The following HYDIN variants were observed in gnomAD, a reference collection of about 807,000 sequenced individuals.
HYDIN encodes HYDIN axonemal central pair apparatus protein.
HYDIN carries 132 observed loss-of-function variants against 403.9 expected under a neutral mutation model. That is an observed-to-expected ratio of 0.33 (90% CI 0.28 to 0.38). The LOEUF (loss-of-function observed/expected upper bound fraction) is 0.38. HYDIN is among the 10% of genes least tolerant of loss of function. The pLI is 1.00. For synonymous variants in HYDIN, 1,202 were observed against 1,891.7 expected, an observed-to-expected ratio of 0.64 and a Z score of 9.46; for missense variants, 2,827 against 5,009.5, an observed-to-expected ratio of 0.56 and a Z score of 13.15.
intron 1 of HYDIN, among the ~76,000 whole-genome samples, chr16:71,212,303 G>T (rs945507341): frequency 6.6e-6 from 1 of 152,156 alleles, no homozygotes; most frequent in Non-Finnish European, 1.5e-5. Context: ...TAAGTGTCAT[G>T]ATATCTCCCT....
At chr16:71,066,227 TG>T (rs1310299851) in intron 15 of HYDIN, among the ~76,000 whole-genome samples, 1 of 152,096 alleles carries the variant, frequency 6.6e-6, no homozygotes, top group East Asian at 1.9e-4. Flanking sequence ...AAGGCAAATC[TG>T]GGCATAGAAA....
intron 41 of HYDIN, among the ~76,000 whole-genome samples, chr16:70,948,413 T>C (rs1168134564): frequency 1.4e-4 from 22 of 151,810 alleles, no homozygotes; most frequent in Admixed American, 4.6e-4. Context: ...ACTTCATATC[T>C]AAAACACCAA....
At chr16:71,189,648 T>A (rs113246957) in intron 1 of HYDIN, among the ~76,000 whole-genome samples, 26,179 of 151,290 alleles carry the variant, frequency 0.17, 2,938 homozygotes, top group Middle Eastern at 0.38. Context: ...GTGCCTGTAG[T>A]CCCAATTACT....
chr16:71,179,997 A>G (rs1479075594), intron 3 of HYDIN, among the ~76,000 whole-genome samples: 2 of 152,198 alleles, frequency 1.3e-5, no homozygotes, highest in African/African-American at 4.8e-5. Flanking sequence ...AGCAAAATAA[A>G]TCCAAATAAA....
Position 70,943,930 on chromosome 16 carries a change from G to C in HYDIN, c.6551C>G (p.Pro2184Arg), listed in dbSNP as rs201833742. Reference sequence around the variant, plus strand: ...GAGCCAGCGGTGGATGGGCCCCGGGGGGAGAGGGCTGGAGGAAATCTGTTG... The same window carrying C: ...GAGCCAGCGGTGGATGGGCCCCGGGCGGAGAGGGCTGGAGGAAATCTGTTG... ...ETPQISSSPL[P>R]PGPIHRWLSV... is the part of the protein sequence containing the mutation. Residue 2184 changes from proline to arginine, a missense_variant, in exon 42 of 86, where the codon CCC (proline) becomes CGC (arginine). Physicochemically the swap from Pro to Arg is moderately radical, Grantham distance 103. Transcript: ENST00000393567. The C allele has an allele frequency of 2.9e-5, 46 of 1,610,670 alleles. No homozygotes were observed. Among genetic ancestry groups the C allele is most frequent in the Non-Finnish European group, 3.6e-5 (43 of 1,178,724 alleles).
At chr16:71,002,306 G>C (rs936626073) in intron 23 of HYDIN, among the ~76,000 whole-genome samples, 76 of 152,186 alleles carry the variant, frequency 5.0e-4, no homozygotes, top group African/African-American at 1.8e-3. Flanking sequence ...AGTACTTTGG[G>C]AGCCCAAGGT....
At chr16:70,904,476 A>T (rs1205419315) in intron 50 of HYDIN, among the ~76,000 whole-genome samples, 2 of 56,378 alleles carry the variant, frequency 3.5e-5, no homozygotes, top group Non-Finnish European at 9.1e-5. Flanking sequence ...TCACTTGAGT[A>T]ACTTTTTTTT....
intron 18 of HYDIN, among the ~76,000 whole-genome samples, chr16:71,060,013 G>C (rs2082028551): frequency 6.6e-6 from 1 of 152,076 alleles, no homozygotes; most frequent in South Asian, 2.1e-4. Flanking sequence ...ATTGCTAGAA[G>C]GAAGAGAGGA....
chr16:70,983,772 A>T (rs1346580700), intron 28 of HYDIN, among the ~76,000 whole-genome samples: 1 of 150,934 alleles, frequency 6.6e-6, no homozygotes. Context: ...ACAAAAGCAA[A>T]AATCATAATC....
chr16:70,847,785 C>A (rs1592163), intron 75 of HYDIN, among the ~76,000 whole-genome samples: 1 of 151,956 alleles, frequency 6.6e-6, no homozygotes, highest in African/African-American at 2.4e-5. Flanking sequence ...GAGTTTATCC[C>A]ACTCAGAATT....
At chr16:71,087,273 G>C (rs4788758) in intron 12 of HYDIN, among the ~76,000 whole-genome samples, 1 of 151,664 alleles carries the variant, frequency 6.6e-6, no homozygotes, top group Admixed American at 6.6e-5. Flanking sequence ...TTAAACAACA[G>C]AAGTTTATTT....
intron 36 of HYDIN, among the ~76,000 whole-genome samples, chr16:70,967,676 C>T (rs1157564145): frequency 2.0e-5 from 3 of 152,220 alleles, no homozygotes; most frequent in South Asian, 2.1e-4. Flanking sequence ...TTAGTAGACA[C>T]GGGGTTTCAC....
At chr16:70,926,561 T>TAACAGGTATACAG in intron 45 of HYDIN, among the ~76,000 whole-genome samples, 1 of 151,884 alleles carries the variant, frequency 6.6e-6, no homozygotes, top group South Asian at 2.1e-4. Context: ...GGTATACATA[T>TAACAGGTATACAG]GTAACTAACC....
chr16:71,226,455 T>G (rs2041036755), intron 1 of HYDIN, among the ~76,000 whole-genome samples: 1 of 152,114 alleles, frequency 6.6e-6, no homozygotes, highest in Admixed American at 6.5e-5. Flanking sequence ...AAGACCTACA[T>G]GTGAAACCCA....
intron 29 of HYDIN, among the ~76,000 whole-genome samples, chr16:70,980,979 C>T (rs1427730441): frequency 4.6e-5 from 7 of 151,878 alleles, no homozygotes; most frequent in Non-Finnish European, 7.4e-5. Flanking sequence ...AATCTGTGTC[C>T]GCCTTTCTGT....
chr16:71,001,860 A>C (rs9674040), intron 23 of HYDIN, among the ~76,000 whole-genome samples: 34,510 of 151,578 alleles, frequency 0.23, 3,695 homozygotes, highest in Admixed American at 0.35. Flanking sequence ...ATGCTGGTGG[A>C]AACACTTGGT....
rs539576673 is a variant in HYDIN at position 70,898,374 on chromosome 16, G to C, written c.9049-2294C>G. Among the ~76,000 whole-genome samples the C allele has an allele frequency of 2.0e-5, 3 of 152,086 alleles. No homozygotes were observed. The East Asian group carries it at 5.8e-4, about 30-fold the overall frequency. ...ACTCCAGGCCCTACACCAGCCAGGG[G>C]TCTGGGTACCTGGTGCAGAGCTCTG... On this transcript the variant is annotated intron_variant, in intron 53 of 85. Transcript: ENST00000393567.
At position 70,868,464 on chromosome 16, in the gene HYDIN, A is replaced by T. The variant is rs2039899282; in HGVS notation, c.11310+106T>A. 148 of 1,444,856 alleles carry T rather than the reference A, an allele frequency of 1.0e-4. 1 individual carries two copies. The South Asian group carries it at 2.0e-3, about 20-fold the overall frequency. 89.5% of individuals were successfully genotyped at this position (1,444,856 alleles called of 1,614,324 possible). ...TGGAGTCAAGGTCAAGTAGAATGGG[A>T]ACCTTTTCTTTTTACTGTGAAAAAA... On this transcript the variant is annotated intron_variant, in intron 66 of 85. Transcript: ENST00000393567.
intron 83 of HYDIN, among the ~76,000 whole-genome samples, chr16:70,820,011 G>A (rs1439201752): frequency 5.7e-5 from 8 of 140,102 alleles, no homozygotes; most frequent in African/African-American, 1.9e-4. Context: ...TAGTAGAGAC[G>A]GGGTTTCACC....
Sources: gnomAD v4.1 joint callset for allele counts (sites outside exome capture counted in the v4.1 genomes callset) on GRCh38, gnomAD v4.1.1 for gene constraint, MANE v1.5 for transcripts, NCBI Gene and HGNC (gene_info 2026-07-23, HGNC 2026-07-21) for gene names.